HUNK: variants seen among roughly 807,000 people sequenced by gnomAD.
HUNK encodes the protein hormonally up-regulated neu tumor-associated kinase.
Under a neutral mutation model 61.0 loss-of-function variants are expected in HUNK, and 21 were observed. The ratio of observed to expected loss-of-function variants is 0.34; its 90% CI spans 0.24 to 0.50. The LOEUF (loss-of-function observed/expected upper bound fraction) is 0.50. Ranked by LOEUF, HUNK falls within the 20% of genes least tolerant of loss-of-function variation. The pLI is 0.98. For missense variants in HUNK, 772 were observed against 945.7 expected, an observed-to-expected ratio of 0.82 and a Z score of 2.41; for synonymous variants, 371 against 386.1, an observed-to-expected ratio of 0.96 and a Z score of 0.46.
chr21:31,976,144 C>T (rs1408322537), intron 7 of HUNK, among the ~76,000 whole-genome samples: 1 of 151,998 alleles, frequency 6.6e-6, no homozygotes, highest in Non-Finnish European at 1.5e-5. Context: ...GGGGAAAAAA[C>T]GTGGTCTGTA....
At chr21:31,884,223 T>A (rs138024234) in intron 1 of HUNK, among the ~76,000 whole-genome samples, 106 of 149,586 alleles carry the variant, frequency 7.1e-4, no homozygotes, top group Admixed American at 2.9e-3. Flanking sequence ...CTTTGGGAGG[T>A]GATGAGATCT....
intron 4 of HUNK, among the ~76,000 whole-genome samples, chr21:31,947,585 G>T (rs2052818100): frequency 6.6e-6 from 1 of 152,238 alleles, no homozygotes; most frequent in African/African-American, 2.4e-5. Context: ...GGAGGGAATT[G>T]GTTGGTCTGG....
intron 4 of HUNK, among the ~76,000 whole-genome samples, chr21:31,956,759 C>T (rs1299275268): frequency 6.6e-6 from 1 of 152,168 alleles, no homozygotes; most frequent in African/African-American, 2.4e-5. Context: ...TGCTGATTTC[C>T]TGCCATAGTT....
chr21:31,916,679 C>CT (rs753394202), intron 1 of HUNK, among the ~76,000 whole-genome samples: 3,843 of 143,326 alleles, frequency 0.027, 107 homozygotes, highest in African/African-American at 0.074. Context: ...CTCTCTCTTT[C>CT]TTTTTTTTTT....
At chr21:31,883,064 C>T (rs984268736) in intron 1 of HUNK, among the ~76,000 whole-genome samples, 5 of 151,718 alleles carry the variant, frequency 3.3e-5, no homozygotes, top group African/African-American at 9.7e-5. Context: ...AGTAAATATC[C>T]ATGACCATTT....
intron 1 of HUNK, among the ~76,000 whole-genome samples, chr21:31,895,315 C>A (rs987541317): frequency 2.6e-5 from 4 of 152,190 alleles, no homozygotes; most frequent in Non-Finnish European, 5.9e-5. Context: ...GTGTTAAGAG[C>A]TGAAGCAGCT....
chr21:32,003,910 T>C lies in HUNK; in HGVS notation c.*4726T>C, dbSNP rs1309263398. On this transcript the variant is annotated 3_prime_UTR_variant, in exon 11 of 11. Coordinates refer to ENST00000270112, the MANE Select transcript of HUNK (RefSeq NM_014586.2). ...CACATCTGAGCTGGTGGTGTTCCAA[T>C]AATGAGGCATTTGGGGCAACCAATT... The C allele has an allele frequency of 6.6e-6, 1 of 152,162 alleles. No individual in the cohort carries two copies. Among genetic ancestry groups the C allele is most frequent in the Non-Finnish European group, 1.5e-5 (1 of 68,040 alleles). The allele number at this position is 152,162 out of a possible 1,614,324, so 9.4% of individuals were successfully genotyped here.
intron 2 of HUNK, among the ~76,000 whole-genome samples, chr21:31,927,702 C>T (rs1388138295): frequency 6.6e-6 from 1 of 151,944 alleles, no homozygotes; most frequent in Non-Finnish European, 1.5e-5. Context: ...CAGGCCTTTA[C>T]TTAATAGAAC....
At chr21:31,987,336 C>G (rs552449543) in intron 8 of HUNK, among the ~76,000 whole-genome samples, 179 of 152,308 alleles carry the variant, frequency 1.2e-3, no homozygotes, top group African/African-American at 4.2e-3. Context: ...GTTAGACTTC[C>G]TGCCTCGTGC....
chr21:31,955,354 A>G (rs9636861), intron 4 of HUNK, among the ~76,000 whole-genome samples: 148,980 of 148,982 alleles, frequency 1, 74,489 homozygotes, highest in Non-Finnish European at 1. Flanking sequence ...ACTTTGGGAG[A>G]CCGAGACGGG....
rs576602658 is a variant in HUNK at position 31,903,022 on chromosome 21, G to T, written c.262-21446G>T. On this transcript the variant is annotated intron_variant, in intron 1 of 10. Coordinates refer to ENST00000270112, the MANE Select transcript of HUNK (RefSeq NM_014586.2). ...TTACTTTTTTTTTCTCGGTGCGGGAGAGAGGTGGAATTTGCAACCAATAAA... is the reference window on the plus strand; with the variant it reads ...TTACTTTTTTTTTCTCGGTGCGGGATAGAGGTGGAATTTGCAACCAATAAA... 1.8e-4 allele frequency among the ~76,000 whole-genome samples: 28 copies of T among 151,968 alleles called. No individual in the cohort carries two copies. The South Asian group carries it at 3.4e-3, about 18-fold the overall frequency.
chr21:31,974,620 A>C lies in HUNK; in HGVS notation c.1076A>C (p.Asn359Thr), dbSNP rs748054042. 1.2e-6 allele frequency: 2 copies of C among 1,613,044 alleles called. No individual in the cohort carries two copies. The highest frequency in any genetic ancestry group is 4.5e-5 in the East Asian group (2 of 44,820). ...ATGACCGAGAAGCTGGGTTACAAGA[A>C]CAGCGACGTGATCAACACTGTGCTC... ...LHMTEKLGYKNSDVINTVLSN... is the reference protein window; with the variant it reads ...LHMTEKLGYKTSDVINTVLSN... The change falls in exon 7 of 11, where the codon AAC becomes ACC. Residue 359 changes from asparagine to threonine, a missense_variant. Around this residue, in one of 2 missense-constraint regions of HUNK, gnomAD observed 359 missense variants for 501.3 expected, o/e 0.72. Transcript: ENST00000270112.
intron 4 of HUNK, among the ~76,000 whole-genome samples, chr21:31,952,406 G>A (rs1264740285): frequency 6.6e-6 from 1 of 152,134 alleles, no homozygotes; most frequent in Non-Finnish European, 1.5e-5. Context: ...TGTAAACTGG[G>A]CAGTTTCCGA....
At chr21:31,934,947 G>A (rs1050918796) in intron 2 of HUNK, among the ~76,000 whole-genome samples, 1 of 152,138 alleles carries the variant, frequency 6.6e-6, no homozygotes, top group Non-Finnish European at 1.5e-5. Flanking sequence ...CTTTGCGGTT[G>A]TGAATAGCGC....
intron 7 of HUNK, among the ~76,000 whole-genome samples, chr21:31,975,344 G>T (rs1217747128): frequency 6.6e-6 from 1 of 152,148 alleles, no homozygotes; most frequent in Non-Finnish European, 1.5e-5. Context: ...AGCAGTTTCT[G>T]TGTGCCTGAG....
At chr21:31,984,726 C>G (rs1426048969) in intron 8 of HUNK, among the ~76,000 whole-genome samples, 1 of 152,154 alleles carries the variant, frequency 6.6e-6, no homozygotes, top group East Asian at 1.9e-4. Context: ...GTGAGCTTTT[C>G]TTTCTCTCAG....
chr21:31,913,257 G>A (rs531328167), intron 1 of HUNK, among the ~76,000 whole-genome samples: 38 of 152,222 alleles, frequency 2.5e-4, no homozygotes, highest in African/African-American at 8.7e-4. Context: ...CCTGAGGCCA[G>A]TGGCGGGTGG....
chr21:31,911,639 G>A (rs1472155074), intron 1 of HUNK, among the ~76,000 whole-genome samples: 1 of 151,984 alleles, frequency 6.6e-6, no homozygotes, highest in Non-Finnish European at 1.5e-5. Context: ...CTCTAGATTC[G>A]CTGCTCTGGA....
At chr21:31,912,610 C>T (rs893617730) in intron 1 of HUNK, among the ~76,000 whole-genome samples, 9 of 152,072 alleles carry the variant, frequency 5.9e-5, no homozygotes, top group South Asian at 2.1e-4. Flanking sequence ...GGTGTGATCA[C>T]GGCTCACTGC....
Sources: allele counts gnomAD v4.1 joint callset (sites outside exome capture counted in the v4.1 genomes callset), GRCh38; gene constraint gnomAD v4.1.1; regional missense constraint gnomAD v4.1.1; transcripts MANE v1.5; gene names NCBI Gene and HGNC (gene_info 2026-07-23, HGNC 2026-07-21).